CDK19: variants seen among roughly 807,000 people sequenced by gnomAD.
CDK19 encodes cyclin dependent kinase 19, also known as cyclin-dependent kinase 19.
CDK19 carries 20 observed loss-of-function variants against 68.3 expected under a neutral mutation model. The observed-to-expected ratio is 0.29, with a 90% CI of 0.21 to 0.43. The LOEUF is 0.43. Ranked by LOEUF, CDK19 falls within the 20% of genes least tolerant of loss-of-function variation. The pLI, the probability that CDK19 is intolerant of heterozygous loss-of-function variation, is 1.00. For synonymous variants in CDK19, 221 were observed against 222.8 expected, an observed-to-expected ratio of 0.99 and a Z score of 0.07; for missense variants, 339 against 623.5, an observed-to-expected ratio of 0.54 and a Z score of 4.86.
intron 1 of CDK19, among the ~76,000 whole-genome samples, chr6:110,777,370 A>T (rs1454997694): frequency 6.6e-6 from 1 of 152,244 alleles, no homozygotes; most frequent in Non-Finnish European, 1.5e-5. Flanking sequence ...ATTTGGTTAC[A>T]TAACTCACTC....
intron 4 of CDK19, among the ~76,000 whole-genome samples, chr6:110,651,941 G>T (rs910079969): frequency 6.6e-6 from 1 of 152,002 alleles, no homozygotes; most frequent in Non-Finnish European, 1.5e-5. Flanking sequence ...GAGAATAAAG[G>T]GAGTTGAAGG....
At chr6:110,684,028 T>A (rs917560092) in intron 2 of CDK19, among the ~76,000 whole-genome samples, 2 of 151,766 alleles carry the variant, frequency 1.3e-5, no homozygotes, top group African/African-American at 4.8e-5. Context: ...TATTAACATA[T>A]CCCATGAGAA....
At chr6:110,765,444 C>T (rs1451941156) in intron 1 of CDK19, among the ~76,000 whole-genome samples, 1 of 151,510 alleles carries the variant, frequency 6.6e-6, no homozygotes, top group Admixed American at 6.6e-5. Context: ...TTTGGGAGGC[C>T]GAGGCGGGTG....
intron 8 of CDK19, among the ~76,000 whole-genome samples, chr6:110,623,655 A>T (rs1778856430): frequency 6.6e-6 from 1 of 151,638 alleles, no homozygotes; most frequent in African/African-American, 2.4e-5. Context: ...CTAGGCACAT[A>T]CCTGAGTCAA....
At chr6:110,810,596 G>A (rs1783012201) in intron 1 of CDK19, among the ~76,000 whole-genome samples, 1 of 152,084 alleles carries the variant, frequency 6.6e-6, no homozygotes. Context: ...CCAACATGGA[G>A]AAACCCCATC....
At chr6:110,774,771 G>A (rs759599469) in intron 1 of CDK19, among the ~76,000 whole-genome samples, 23 of 152,100 alleles carry the variant, frequency 1.5e-4, no homozygotes, top group Non-Finnish European at 2.5e-4. Flanking sequence ...ACAACAGGGC[G>A]AACCCCATCT....
chr6:110,728,202 T>C (rs2114781033), intron 2 of CDK19, among the ~76,000 whole-genome samples: 1 of 151,388 alleles, frequency 6.6e-6, no homozygotes, highest in Non-Finnish European at 1.5e-5. Context: ...GCAGCAGAAT[T>C]GCTTGAACCT....
intron 2 of CDK19, among the ~76,000 whole-genome samples, chr6:110,721,737 A>C (rs891654294): frequency 2.0e-5 from 3 of 152,002 alleles, no homozygotes; most frequent in Non-Finnish European, 4.4e-5. Flanking sequence ...AGGCCGAGGC[A>C]GGCAGATCAC....
rs1778182586 is a variant in CDK19 at position 110,614,474 on chromosome 6, T to C, written c.*61A>G. 7.7e-6 allele frequency: 12 copies of C among 1,561,238 alleles called. No homozygotes were observed. Among genetic ancestry groups the C allele is most frequent in the Non-Finnish European group, 1.0e-5 (12 of 1,147,620 alleles). On this transcript the variant is annotated 3_prime_UTR_variant, in exon 13 of 13. Coordinates refer to ENST00000368911, the MANE Select transcript of CDK19 (RefSeq NM_015076.5). ...TTTGCATTTTTTTGGTTCTTTTCAA[T>C]GCAGACATATTGCTGGAGCCTGTGC...
At chr6:110,656,144 T>C (rs1225526797) in intron 4 of CDK19, among the ~76,000 whole-genome samples, 2 of 152,194 alleles carry the variant, frequency 1.3e-5, no homozygotes, top group Non-Finnish European at 2.9e-5. Context: ...TACCTCATAA[T>C]TTCTTTTGTA....
chr6:110,630,701 C>T (rs1158996760), intron 6 of CDK19, among the ~76,000 whole-genome samples: 1 of 152,234 alleles, frequency 6.6e-6, no homozygotes, highest in African/African-American at 2.4e-5. Flanking sequence ...TGCTGCCTTA[C>T]CAGAGGCCCA....
chr6:110,616,021 T>C (rs1031743096), intron 12 of CDK19, among the ~76,000 whole-genome samples: 11 of 151,984 alleles, frequency 7.2e-5, no homozygotes, highest in African/African-American at 1.9e-4. Flanking sequence ...CAAGCAGCAG[T>C]AGTCATTCCC....
intron 1 of CDK19, among the ~76,000 whole-genome samples, chr6:110,777,424 C>T (rs1327574353): frequency 1.3e-5 from 2 of 151,878 alleles, no homozygotes; most frequent in African/African-American, 2.4e-5. Context: ...TAAGATACGA[C>T]CTCATACCTT....
At chr6:110,651,648 A>G (rs1780981549) in intron 4 of CDK19, among the ~76,000 whole-genome samples, 1 of 152,170 alleles carries the variant, frequency 6.6e-6, no homozygotes, top group Admixed American at 6.6e-5. Context: ...GGTGAGGTTG[A>G]CCTGAAATTT....
Position 110,710,113 on chromosome 6 carries a change from C to T in CDK19, c.204+36013G>A, listed in dbSNP as rs571022086. 2.0e-5 allele frequency among the ~76,000 whole-genome samples: 3 copies of T among 152,224 alleles called. No individual in the cohort carries two copies. In the East Asian group the frequency reaches 5.8e-4, roughly 29 times the overall value. ...ACATAACAATGCAAAGTACTAAACA[C>T]CATTTAAGAAGAAAGGCGGCTCATG... is the stretch of plus-strand genomic sequence containing the variant. On this transcript the variant is annotated intron_variant, in intron 2 of 12. Transcript: ENST00000368911.
chr6:110,737,447 A>G (rs76166480), intron 2 of CDK19, among the ~76,000 whole-genome samples: 4,032 of 152,314 alleles, frequency 0.026, 81 homozygotes, highest in South Asian at 0.084. Flanking sequence ...TAGGAAACAT[A>G]GTAGCTTGAA....
chr6:110,769,048 G>A (rs757201504), intron 1 of CDK19, among the ~76,000 whole-genome samples: 11 of 150,896 alleles, frequency 7.3e-5, no homozygotes, highest in East Asian at 2.0e-4. Flanking sequence ...TCAGCTACTC[G>A]GGAGGCTGAG....
Position 110,611,009 on chromosome 6 carries a change from T to C in CDK19, c.*3526A>G, listed in dbSNP as rs1777997076. 2 of 152,184 alleles carry C rather than the reference T, an allele frequency of 1.3e-5. No homozygotes were observed. Among genetic ancestry groups the C allele is most frequent in the Non-Finnish European group, 2.9e-5 (2 of 68,040 alleles). 9.4% of individuals were successfully genotyped at this position (152,184 alleles called of 1,614,324 possible). On this transcript the variant is annotated 3_prime_UTR_variant, in exon 13 of 13. Coordinates refer to ENST00000368911, the MANE Select transcript of CDK19 (RefSeq NM_015076.5). The stretch of plus-strand genomic sequence containing the variant: ...TATGTTCGTAAGAGCAAAAGAGTAG[T>C]GCAGAAGGCCAAAATTCTAAGTACT...
intron 4 of CDK19, chr6:110,646,551 C>A: frequency 1.8e-6 from 2 of 1,122,048 alleles, no homozygotes; most frequent in South Asian, 1.9e-5. Context: ...GTGCTTAAGT[C>A]GTGCTGAGTA....
Sources: allele counts gnomAD v4.1 joint callset (sites outside exome capture counted in the v4.1 genomes callset), GRCh38; gene constraint gnomAD v4.1.1; transcripts MANE v1.5; gene names NCBI Gene and HGNC (gene_info 2026-07-23, HGNC 2026-07-21).